The following ALAS1 variants were observed in gnomAD, a reference collection of about 807,000 sequenced individuals.
ALAS1 encodes the protein 5-aminolevulinate synthase, non-specific, mitochondrial.
In ALAS1, 29 loss-of-function variants were observed where a neutral mutation model predicts 59.6. The ratio of observed to expected loss-of-function variants is 0.49; its 90% CI spans 0.36 to 0.66. The LOEUF (loss-of-function observed/expected upper bound fraction) is 0.66, where lower values mean the gene tolerates loss of function less well. Ranked by LOEUF, ALAS1 falls within the 30% of genes least tolerant of loss-of-function variation. The pLI, the probability that ALAS1 is intolerant of heterozygous loss-of-function variation, is 0.00. For synonymous variants in ALAS1, 299 were observed against 296.6 expected, an observed-to-expected ratio of 1.01 and a Z score of -0.08; for missense variants, 690 against 807.5, an observed-to-expected ratio of 0.85 and a Z score of 1.76.
In ALAS1 at chr3:52,214,140, AT is replaced by A. The variant is rs1333104934; in HGVS notation, c.1886del (p.Phe629SerfsTer4). On this transcript the variant is annotated frameshift_variant, in exon 12 of 12. Transcript: ENST00000484952. LOFTEE classifies it high-confidence loss of function. ...FEVMSEREKS[Y>X]FSGLSKLVSA... ...GTGATGAGTGAAAGAGAGAAGTCCT[AT>A]TTCTCAGGCTTGAGCAAGTTGGTAT... The A allele has an allele frequency of 1.2e-6, 2 of 1,613,240 alleles. No homozygotes were observed. The highest frequency in any genetic ancestry group is 8.5e-7 in the Non-Finnish European group (1 of 1,179,362).
At position 52,212,324 on chromosome 3, in the gene ALAS1, C is replaced by T; in HGVS notation, c.1666C>T (p.Gln556Ter). The T allele has an allele frequency of 1.2e-6, 2 of 1,614,148 alleles. No homozygotes were observed. The highest frequency in any genetic ancestry group is 1.7e-6 in the Non-Finnish European group (2 of 1,180,038). ...ELMSRHNIYV[Q>*]AINYPTVPRG... ...AATGAGCAGACATAACATCTACGTG[C>T]AAGCAATCAATTACCCTACGGTGCC... is the stretch of plus-strand genomic sequence containing the variant. The change falls in exon 11 of 12, where the codon CAA becomes TAA. Residue 556 changes from glutamine (Q) to a stop codon, truncating the protein, a stop_gained. Coordinates refer to ENST00000484952, the MANE Select transcript of ALAS1 (RefSeq NM_000688.6). LOFTEE classifies it high-confidence loss of function.
Position 52,205,772 on chromosome 3 carries a change from G to A in ALAS1, c.801-67G>A, listed in dbSNP as rs1699279097. 1.7e-5 allele frequency: 25 copies of A among 1,479,314 alleles called. No homozygotes were observed. The South Asian group carries it at 3.2e-4, about 19-fold the overall frequency. 91.6% of individuals were successfully genotyped at this position (1,479,314 alleles called of 1,614,324 possible). On this transcript the variant is annotated intron_variant, in intron 6 of 11. Transcript: ENST00000484952. ...TCAGTCTCCTGGATCCTAGAAAGGG[G>A]AAAAAATTCACATGGTGTTGAGAAC... is the stretch of plus-strand genomic sequence containing the variant.
At chr3:52,201,212 C>T (rs1406973029) in intron 3 of ALAS1, among the ~76,000 whole-genome samples, 1 of 152,118 alleles carries the variant, frequency 6.6e-6, no homozygotes, top group Non-Finnish European at 1.5e-5. Context: ...TGAATTTGCT[C>T]AAGGGGAGAG....
intron 3 of ALAS1, among the ~76,000 whole-genome samples, chr3:52,200,369 GTC>G: frequency 1.3e-5 from 2 of 152,184 alleles, no homozygotes; most frequent in South Asian, 4.1e-4. Context: ...TCTGCTTTCT[GTC>G]TCTATGAATT....
At position 52,207,861 on chromosome 3, in the gene ALAS1, G is replaced by A. The variant is rs150596621; in HGVS notation, c.1166-222G>A. Among the ~76,000 whole-genome samples, 12 of 152,298 alleles carry A rather than the reference G, an allele frequency of 7.9e-5. No individual in the cohort carries two copies. The East Asian group carries it at 2.3e-3, about 29-fold the overall frequency. The stretch of plus-strand genomic sequence containing the variant: ...TGCATTCTGCCAAGATTTGTAATTG[G>A]TGGACTTTTTTCTAATAGATTTGGG... On this transcript the variant is annotated intron_variant, in intron 8 of 11. Coordinates refer to ENST00000484952, the MANE Select transcript of ALAS1 (RefSeq NM_000688.6).
chr3:52,199,348 T>A lies in ALAS1; in HGVS notation c.107T>A (p.Met36Lys), dbSNP rs780318962. 1 of 1,614,176 alleles carries A rather than the reference T, an allele frequency of 6.2e-7. No homozygotes were observed. Residue 36 changes from methionine to lysine, a missense_variant, in exon 3 of 12, where the codon ATG becomes AAG. By Grantham distance (95) the Met-to-Lys change is moderately conservative. Coordinates refer to ENST00000484952, the MANE Select transcript of ALAS1 (RefSeq NM_000688.6). Reference protein sequence around the residue: ...LLFYAQNCPKMMEVGAKPAPR... With the variant: ...LLFYAQNCPKKMEVGAKPAPR... ...TTCTATGCCCAAAACTGCCCCAAGA[T>A]GATGGAAGTTGGGGCCAAGCCAGCC...
At chr3:52,213,267 G>A (rs1304081468) in intron 11 of ALAS1, among the ~76,000 whole-genome samples, 4 of 152,130 alleles carry the variant, frequency 2.6e-5, no homozygotes, top group Non-Finnish European at 4.4e-5. Context: ...CCTCTGCCTC[G>A]AAGGTACATT....
In ALAS1 at chr3:52,198,766, GGGATGTGGGGACCAGGA is replaced by G; in HGVS notation, c.-113_-97del. ...TGCTGGACCCCTTCCTCGGGTTTAG[GGGATGTGGGGACCAGGA>G]GAAAGTCAGGATCCCTAAGAGTCTT... On this transcript the variant is annotated 5_prime_UTR_variant, in exon 2 of 12. The change abolishes an upstream ATG in the 5' untranslated region. Transcript: ENST00000484952. The G allele has an allele frequency of 6.5e-7, 1 of 1,531,728 alleles. No homozygotes were observed. The highest frequency in any genetic ancestry group is 8.7e-7 in the Non-Finnish European group (1 of 1,143,306). 94.9% of individuals were successfully genotyped at this position (1,531,728 alleles called of 1,614,324 possible). A position where few individuals can be genotyped will look rare whatever the true frequency, so the allele number is the denominator to read the frequency against.
intron 9 of ALAS1, among the ~76,000 whole-genome samples, chr3:52,209,887 C>G (rs984286345): frequency 2.0e-5 from 3 of 152,066 alleles, no homozygotes; most frequent in Non-Finnish European, 2.9e-5. Context: ...ACCATGTTGG[C>G]CAGGCTGGTC....
chr3:52,213,575 TTCTA>T, intron 11 of ALAS1, among the ~76,000 whole-genome samples: 2 of 152,332 alleles, frequency 1.3e-5, no homozygotes, highest in South Asian at 4.1e-4. Context: ...CAACCATCAC[TTCTA>T]TCTGATTCTA....
rs749744738 is a variant in ALAS1, at chr3:52,204,815, G to A, written c.700G>A (p.Asp234Asn). Residue 234 changes from aspartate to asparagine, a missense_variant, in exon 6 of 12, where the codon GAC becomes AAC. Transcript: ENST00000484952. The part of the protein sequence containing the change: ...RRAHIFPMAD[D>N]YSDSLITKKQ... ...AGCACACATCTTCCCCATGGCAGATGACTATTCAGACTCCCTCATCACCAA... is the reference window on the plus strand; with the variant it reads ...AGCACACATCTTCCCCATGGCAGATAACTATTCAGACTCCCTCATCACCAA... 34 of 1,614,086 alleles carry A rather than the reference G, an allele frequency of 2.1e-5. No homozygotes were observed. In the East Asian group the frequency reaches 5.3e-4, roughly 25 times the overall value.
chr3:52,204,698 T>G lies in ALAS1; in HGVS notation c.583T>G (p.Ser195Ala), dbSNP rs771092103. The change falls in exon 6 of 12, where the codon TCC becomes GCC. Residue 195 changes from serine (S) to alanine (A), a missense_variant. By Grantham distance (99) the Ser-to-Ala change is moderately conservative. Transcript: ENST00000484952. ...GTCTTTTGTTCAATTTTTAGCTGTT[T>G]CCACTTTTCAGTATGATCGTTTCTT... ...LLQDNLPKSV[S>A]TFQYDRFFEK... 6.2e-7 allele frequency: 1 copy of G among 1,613,696 alleles called. No homozygotes were observed. Among genetic ancestry groups the G allele is most frequent in the Non-Finnish European group, 8.5e-7 (1 of 1,179,798 alleles).
chr3:52,211,358 C>T lies in ALAS1; in HGVS notation c.1406C>T (p.Ala469Val), dbSNP rs772777139. The change falls in exon 10 of 12, where the codon GCT becomes GTT. Residue 469 changes from alanine (A) to valine (V), a missense_variant. Ala to Val is a moderately conservative substitution (Grantham distance 64). Transcript: ENST00000484952. ...ATTGACACCGTACGGTCCTATGCTG[C>T]TGGCTTCATCTTCACCACCTCTCTG... Reference protein sequence around the residue: ...SLIDTVRSYAAGFIFTTSLPP... With the variant: ...SLIDTVRSYAVGFIFTTSLPP... The T allele has an allele frequency of 3.7e-6, 6 of 1,614,118 alleles. No individual in the cohort carries two copies. Among genetic ancestry groups the T allele is most frequent in the Admixed American group, 3.3e-5 (2 of 60,010 alleles).
Position 52,205,894 on chromosome 3 carries a change from A to G in ALAS1, c.856A>G (p.Thr286Ala), listed in dbSNP as rs1425648016. The change falls in exon 7 of 12, where the codon ACT (threonine) becomes GCT (alanine). Residue 286 changes from threonine (T) to alanine (A), a missense_variant. By Grantham distance (58) the Thr-to-Ala change is moderately conservative. Coordinates refer to ENST00000484952, the MANE Select transcript of ALAS1 (RefSeq NM_000688.6). Reference sequence around the variant, plus strand: ...AGGTGGTACTAGAAATATTTCTGGAACTAGTAAATTCCATGTGGACTTAGA... The same window carrying G: ...AGGTGGTACTAGAAATATTTCTGGAGCTAGTAAATTCCATGTGGACTTAGA... ...GAGGTRNISG[T>A]SKFHVDLERE... 6.2e-7 allele frequency: 1 copy of G among 1,614,196 alleles called. No individual in the cohort carries two copies. Among genetic ancestry groups the G allele is most frequent in the Non-Finnish European group, 8.5e-7 (1 of 1,180,014 alleles).
intron 9 of ALAS1, among the ~76,000 whole-genome samples, chr3:52,210,118 A>G (rs1577971413): frequency 6.6e-6 from 1 of 152,238 alleles, no homozygotes; most frequent in Non-Finnish European, 1.5e-5. Context: ...AGGAAATAAC[A>G]CCAGTCATAC....
intron 11 of ALAS1, among the ~76,000 whole-genome samples, chr3:52,213,280 C>T (rs1288168071): frequency 1.3e-5 from 2 of 152,210 alleles, no homozygotes; most frequent in Non-Finnish European, 2.9e-5. Context: ...GGTACATTGC[C>T]TTCCCAAGCC....
chr3:52,199,600 C>T (rs892585738), intron 3 of ALAS1, among the ~76,000 whole-genome samples, 160 bp downstream of exon 3: 4 of 152,308 alleles, frequency 2.6e-5, no homozygotes, highest in Admixed American at 2.0e-4. Flanking sequence ...GATTGTCCCC[C>T]CAAGGGTAGG....
intron 3 of ALAS1, 79 bp from the exon 4 acceptor site, chr3:52,202,428 T>G: frequency 8.8e-7 from 1 of 1,132,842 alleles, no homozygotes; most frequent in Admixed American, 1.8e-5. Flanking sequence ...TTTGAGGCAA[T>G]AAAAGAAAGA....
In ALAS1 at chr3:52,214,259, TTAAG is replaced by T; in HGVS notation, c.*81_*84del. On this transcript the variant is annotated 3_prime_UTR_variant, in exon 12 of 12. Transcript: ENST00000484952. ...CTTCAGAGTTGTCTTTATATGTGAA[TTAAG>T]TTATATTAAATTTTAATCTATAGTA... 7.9e-7 allele frequency: 1 copy of T among 1,270,780 alleles called. No individual in the cohort carries two copies. The highest frequency in any genetic ancestry group is 1.1e-6 in the Non-Finnish European group (1 of 931,422). 78.7% of individuals were successfully genotyped at this position (1,270,780 alleles called of 1,614,324 possible). A position where few individuals can be genotyped will look rare whatever the true frequency, so the allele number is the denominator to read the frequency against.
Sources: gnomAD v4.1 joint callset for allele counts (sites outside exome capture counted in the v4.1 genomes callset) on GRCh38, gnomAD v4.1.1 for gene constraint, MANE v1.5 for transcripts, NCBI Gene and HGNC (gene_info 2026-07-23, HGNC 2026-07-21) for gene names.